Variants in PRKCH observed in about 807,000 individuals in gnomAD.
PRKCH encodes protein kinase C eta.
Under a neutral mutation model 82.5 loss-of-function variants are expected in PRKCH, and 28 were observed. That is an observed-to-expected ratio of 0.34 (90% CI 0.25 to 0.47). The LOEUF is 0.47. Among genes scored for constraint, PRKCH ranks in the 20% least tolerant of loss-of-function variants. The pLI is 1.00. For missense variants in PRKCH, 705 were observed against 881.8 expected (o/e 0.80, Z 2.54); for synonymous variants, 322 against 327.4 (o/e 0.98, Z 0.18).
chr14:61,543,040 T>C (rs949502980), intron 12 of PRKCH, among the ~76,000 whole-genome samples: 2 of 152,184 alleles, frequency 1.3e-5, no homozygotes, highest in Non-Finnish European at 2.9e-5. Context: ...TTGTCCACAG[T>C]CACACAGTAA....
At chr14:61,331,651 C>T (rs1469407711) in intron 1 of PRKCH, among the ~76,000 whole-genome samples, 1 of 152,192 alleles carries the variant, frequency 6.6e-6, no homozygotes, top group East Asian at 1.9e-4. Context: ...CTTAGGCAAG[C>T]GTCTGCTTAT....
intron 3 of PRKCH, among the ~76,000 whole-genome samples, chr14:61,443,635 C>T (rs1295980118): frequency 6.6e-6 from 1 of 152,132 alleles, no homozygotes. Flanking sequence ...AGGCATGAAT[C>T]GCATAATGAC....
intron 1 of PRKCH, among the ~76,000 whole-genome samples, chr14:61,314,994 C>T (rs2045550688): frequency 6.6e-6 from 1 of 152,322 alleles, no homozygotes; most frequent in Admixed American, 6.5e-5. Context: ...TCGTTCTTTA[C>T]TCGTTCTGCC....
chr14:61,436,665 TG>T (rs1883693297), intron 2 of PRKCH, among the ~76,000 whole-genome samples: 1 of 152,154 alleles, frequency 6.6e-6, no homozygotes, highest in Non-Finnish European at 1.5e-5. Context: ...CCTGAGTAGC[TG>T]GGATTACAGG....
intron 1 of PRKCH, among the ~76,000 whole-genome samples, chr14:61,293,783 C>T (rs2045383558): frequency 6.6e-6 from 1 of 152,156 alleles, no homozygotes; most frequent in South Asian, 2.1e-4. Flanking sequence ...AAGTTAGTTT[C>T]CTAGACAGCA....
chr14:61,331,544 CA>C (rs200809347), intron 1 of PRKCH, among the ~76,000 whole-genome samples: 1 of 151,926 alleles, frequency 6.6e-6, no homozygotes, highest in Non-Finnish European at 1.5e-5. Flanking sequence ...ACAACAACAA[CA>C]AAAAAACCCC....
intron 1 of PRKCH, among the ~76,000 whole-genome samples, chr14:61,389,211 A>G (rs536273733): frequency 6.6e-6 from 1 of 152,326 alleles, no homozygotes; most frequent in Non-Finnish European, 1.5e-5. Flanking sequence ...TAAGCCAGGC[A>G]TGATGGCATG....
intron 2 of PRKCH, among the ~76,000 whole-genome samples, chr14:61,435,614 G>T (rs1374641429): frequency 2.6e-5 from 4 of 152,194 alleles, no homozygotes; most frequent in African/African-American, 9.6e-5. Context: ...GCTCAGGTGG[G>T]AGGATGGCTT....
At chr14:61,416,469 A>G (rs1020741974) in intron 2 of PRKCH, among the ~76,000 whole-genome samples, 1 of 152,108 alleles carries the variant, frequency 6.6e-6, no homozygotes, top group Non-Finnish European at 1.5e-5. Context: ...TTTTAAAACA[A>G]TCTCTTGTTA....
At chr14:61,250,826 G>T (rs1424984734) in intron 1 of PRKCH, among the ~76,000 whole-genome samples, 1 of 151,970 alleles carries the variant, frequency 6.6e-6, no homozygotes, top group Non-Finnish European at 1.5e-5. Context: ...GGCATGTGGG[G>T]CAAGAAGTAG....
chr14:61,495,913 A>G (rs1412887756), intron 10 of PRKCH, among the ~76,000 whole-genome samples: 1 of 152,234 alleles, frequency 6.6e-6, no homozygotes, highest in African/African-American at 2.4e-5. Context: ...ATTCAGTAAC[A>G]AAGATTTACT....
At chr14:61,295,219 C>T (rs1164082707) in intron 1 of PRKCH, among the ~76,000 whole-genome samples, 1 of 151,770 alleles carries the variant, frequency 6.6e-6, no homozygotes, top group Admixed American at 6.6e-5. Context: ...GTTTTATAAA[C>T]AGAGAACATG....
rs373780412 is a variant in PRKCH at position 61,530,427 on chromosome 14, C to T, written c.1593C>T (p.Tyr531=). The T allele has an allele frequency of 4.2e-5, 67 of 1,599,680 alleles. 1 individual carries two copies. Among genetic ancestry groups the T allele is most frequent in the South Asian group, 3.4e-4 (30 of 87,670 alleles). The change falls in exon 12 of 14, where the codon TAC becomes TAT. Residue 531 remains tyrosine (Y), a synonymous_variant. Coordinates refer to ENST00000332981, the MANE Select transcript of PRKCH (RefSeq NM_006255.5). Reference sequence around the variant, plus strand: ...CACAGATCCTCCAGGAAATGCTGTACGGGCCTGCAGTAGACTGGTGGGCAA... The same window carrying T: ...CACAGATCCTCCAGGAAATGCTGTATGGGCCTGCAGTAGACTGGTGGGCAA... ...IAPEILQEML[Y]GPAVDWWAMG...
intron 1 of PRKCH, among the ~76,000 whole-genome samples, chr14:61,311,297 C>A (rs2045522110): frequency 6.6e-6 from 1 of 152,170 alleles, no homozygotes; most frequent in South Asian, 2.1e-4. Flanking sequence ...GCTCTGCTTC[C>A]CTTTTAAACA....
chr14:61,481,771 A>G (rs979147662), intron 9 of PRKCH, among the ~76,000 whole-genome samples: 4 of 152,176 alleles, frequency 2.6e-5, no homozygotes, highest in African/African-American at 4.8e-5. Flanking sequence ...ATTTTTGGCT[A>G]TAACTAAAAT....
chr14:61,512,855 C>G (rs2042765626), intron 10 of PRKCH, among the ~76,000 whole-genome samples: 1 of 151,940 alleles, frequency 6.6e-6, no homozygotes, highest in South Asian at 2.1e-4. Context: ...AGACATGGAT[C>G]CTGTTCTGTC....
intron 1 of PRKCH, among the ~76,000 whole-genome samples, chr14:61,205,357 A>G (rs532557533): frequency 4.6e-4 from 70 of 152,170 alleles, no homozygotes; most frequent in Non-Finnish European, 8.8e-4. Flanking sequence ...AGTAGTTGAG[A>G]TTCTGAAGGC....
At chr14:61,537,376 A>C (rs544675896) in intron 12 of PRKCH, 4 of 152,306 alleles carry the variant, frequency 2.6e-5, no homozygotes, top group African/African-American at 9.6e-5. Context: ...TTGGTTTGGG[A>C]ATATATACTA....
intron 1 of PRKCH, among the ~76,000 whole-genome samples, chr14:61,199,680 G>GTAGGGGAACTGA (rs1312542506): frequency 6.6e-6 from 1 of 151,914 alleles, no homozygotes; most frequent in African/African-American, 2.4e-5. Context: ...CACAGTCAAT[G>GTAGGGGAACTGA]TAGGGGAACT....
Sources: gnomAD v4.1 joint callset for allele counts (sites outside exome capture counted in the v4.1 genomes callset) on GRCh38, gnomAD v4.1.1 for gene constraint, MANE v1.5 for transcripts, NCBI Gene and HGNC (gene_info 2026-07-23, HGNC 2026-07-21) for gene names.